Variants in NPIPA5 observed in about 807,000 individuals in gnomAD.
NPIPA5 encodes the protein nuclear pore complex-interacting protein family member A5.
Under a neutral mutation model 21.4 loss-of-function variants are expected in NPIPA5, and 6 were observed. The observed-to-expected ratio is 0.28, with a 90% CI of 0.15 to 0.55. The LOEUF is 0.55. Ranked by LOEUF, NPIPA5 falls within the 20% of genes least tolerant of loss-of-function variation. The pLI is 0.93. For missense variants in NPIPA5, 99 were observed against 318.2 expected (o/e 0.31, Z 5.24); for synonymous variants, 33 against 115.3 (o/e 0.29, Z 4.57).
At chr16:15,369,216 G>A (rs1337015358) in intron 4 of NPIPA5, among the ~76,000 whole-genome samples, 1 of 148,704 alleles carries the variant, frequency 6.7e-6, no homozygotes, top group Non-Finnish European at 1.5e-5. Flanking sequence ...AGCACTTTGG[G>A]AGGCTGAGGC....
upstream of NPIPA5, among the ~76,000 whole-genome samples, chr16:15,380,091 ATAATT>A (rs1318396136): frequency 2.6e-5 from 4 of 151,936 alleles, no homozygotes; most frequent in Non-Finnish European, 5.9e-5. Context: ...AACTTAATGA[ATAATT>A]TAATTATTAC....
intron 2 of NPIPA5, among the ~76,000 whole-genome samples, chr16:15,370,785 T>G (rs1341053475): frequency 6.8e-6 from 1 of 146,624 alleles, no homozygotes; most frequent in East Asian, 2.0e-4. Context: ...GTGCGGTAGC[T>G]CACGCCTGTA....
intron 1 of NPIPA5, among the ~76,000 whole-genome samples, chr16:15,375,666 T>C (rs1157695114): frequency 6.4e-5 from 9 of 141,340 alleles, no homozygotes; most frequent in Non-Finnish European, 1.4e-4. Context: ...CACTTGAACC[T>C]GGGAGGTAGA....
upstream of NPIPA5, among the ~76,000 whole-genome samples, chr16:15,380,420 T>G (rs566004604): frequency 7.2e-5 from 11 of 152,034 alleles, no homozygotes; most frequent in African/African-American, 2.7e-4. Context: ...CCTCCTGAAT[T>G]TCAGCAATTC....
upstream of NPIPA5, among the ~76,000 whole-genome samples, chr16:15,380,068 C>T (rs559621449): frequency 1.3e-5 from 2 of 150,954 alleles, no homozygotes; most frequent in East Asian, 3.9e-4. Context: ...TTTTAAAAGA[C>T]AAGATAATGT....
intron 2 of NPIPA5, among the ~76,000 whole-genome samples, chr16:15,370,424 A>T (rs1393250633): frequency 1.5e-5 from 2 of 134,342 alleles, no homozygotes; most frequent in African/African-American, 5.4e-5. Context: ...AGACTCTGTC[A>T]CACACACACA....
chr16:15,370,615 G>C (rs2050127756), intron 2 of NPIPA5, among the ~76,000 whole-genome samples: 1 of 143,508 alleles, frequency 7.0e-6, no homozygotes, highest in Non-Finnish European at 1.5e-5. Flanking sequence ...GCCAGGCATG[G>C]TGGTGCATGC....
In NPIPA5 at chr16:15,377,600, C is replaced by T. The variant is rs537789873; in HGVS notation, c.63+632G>A. On this transcript the variant is annotated intron_variant, in intron 1 of 7. Coordinates refer to ENST00000360151, the MANE Select transcript of NPIPA5 (RefSeq NM_001277325.2). Reference sequence around the variant, plus strand: ...TTAGGGCAGGGCGGAGGGAAGGGGACGGGGACCGGGGCCGGATCTGAGTTG... The same window carrying T: ...TTAGGGCAGGGCGGAGGGAAGGGGATGGGGACCGGGGCCGGATCTGAGTTG... Among the ~76,000 whole-genome samples, 426 of 121,214 alleles carry T rather than the reference C, an allele frequency of 3.5e-3. 1 individual carries two copies. Among genetic ancestry groups the T allele is most frequent in the African/African-American group, 0.011 (358 of 32,702 alleles). 79.5% of individuals were successfully genotyped at this position (121,214 alleles called of 152,430 possible).
intron 1 of NPIPA5, among the ~76,000 whole-genome samples, chr16:15,377,528 G>T (rs1218761364): frequency 7.0e-6 from 1 of 143,270 alleles, no homozygotes; most frequent in East Asian, 2.1e-4. Context: ...GCATGTCCTG[G>T]TCCTTTCAGG....
chr16:15,372,632 G>T (rs251630), intron 2 of NPIPA5, among the ~76,000 whole-genome samples: 18,608 of 144,880 alleles, frequency 0.13, 3,112 homozygotes, highest in East Asian at 0.47. Flanking sequence ...TTGAAAGGCA[G>T]TGCCAAATGA....
At chr16:15,377,624 TG>T (rs1340436123) in intron 1 of NPIPA5, among the ~76,000 whole-genome samples, 1 of 68,254 alleles carries the variant, frequency 1.5e-5, no homozygotes, top group Non-Finnish European at 2.8e-5. Flanking sequence ...GGATCTGAGT[TG>T]GGGAGGGGGA....
chr16:15,372,218 G>A (rs373649598), intron 2 of NPIPA5, among the ~76,000 whole-genome samples: 2 of 147,540 alleles, frequency 1.4e-5, no homozygotes, highest in African/African-American at 4.9e-5. Flanking sequence ...TCACGTGGTG[G>A]CTCACGCTTG....
chr16:15,363,883 A>G lies in NPIPA5; in HGVS notation c.829T>C (p.Ser277Pro). The G allele has an allele frequency of 1.9e-6, 3 of 1,603,818 alleles. No homozygotes were observed. Among genetic ancestry groups the G allele is most frequent in the Non-Finnish European group, 2.5e-6 (3 of 1,179,258 alleles). Reference protein sequence around the residue: ...SERLLYPLPPSADDNLKTPPE... With the variant: ...SERLLYPLPPPADDNLKTPPE... ...GGTGTCTTGAGATTATCATCCGCTGAGGGTGGAAGGGGATAGAGCAGACGC... is the reference window on the plus strand; with the variant it reads ...GGTGTCTTGAGATTATCATCCGCTGGGGGTGGAAGGGGATAGAGCAGACGC... Residue 277 changes from serine (S) to proline (P), a missense_variant, in exon 8 of 8, where the codon TCA becomes CCA. By Grantham distance (74) the Ser-to-Pro change is moderately conservative. This residue lies in a region of NPIPA5 where 75 missense variants were observed against 138.5 expected (regional missense o/e 0.54). Coordinates refer to ENST00000360151, the MANE Select transcript of NPIPA5 (RefSeq NM_001277325.2).
At chr16:15,378,777 A>G (rs2150889469), upstream of NPIPA5, among the ~76,000 whole-genome samples, 1 of 40,322 alleles carries the variant, frequency 2.5e-5, no homozygotes, top group South Asian at 7.5e-4. Flanking sequence ...CCTTATCTAT[A>G]TTATCTTACT....
At chr16:15,369,415 A>T (rs1369977179) in intron 4 of NPIPA5, among the ~76,000 whole-genome samples, 1 of 151,188 alleles carries the variant, frequency 6.6e-6, no homozygotes, top group Non-Finnish European at 1.5e-5. Context: ...CCATTGCACT[A>T]CGGCCTGGGC....
At chr16:15,374,136 G>A (rs1409739165) in intron 1 of NPIPA5, among the ~76,000 whole-genome samples, 39 of 147,968 alleles carry the variant, frequency 2.6e-4, no homozygotes, top group Non-Finnish European at 8.9e-5. Flanking sequence ...AAGCAAAGTT[G>A]TCTTGAGCCA....
chr16:15,375,734 T>C (rs1461862029), intron 1 of NPIPA5, among the ~76,000 whole-genome samples: 14 of 133,482 alleles, frequency 1.0e-4, no homozygotes, highest in Non-Finnish European at 1.9e-4. Flanking sequence ...AGAGCGAGAC[T>C]CTGTCTCAAA....
At chr16:15,369,050 G>A (rs1481140086) in intron 4 of NPIPA5, among the ~76,000 whole-genome samples, 2 of 147,640 alleles carry the variant, frequency 1.4e-5, no homozygotes, top group South Asian at 2.2e-4. Context: ...AGCTACTCGG[G>A]AAGCCGAGGC....
intron 4 of NPIPA5, among the ~76,000 whole-genome samples, chr16:15,368,307 G>A (rs1019278118): frequency 1.3e-5 from 2 of 151,360 alleles, no homozygotes; most frequent in African/African-American, 4.9e-5. Flanking sequence ...GAAATACCCT[G>A]GCCTTTGTAG....
Sources: allele counts gnomAD v4.1 joint callset (sites outside exome capture counted in the v4.1 genomes callset), GRCh38; gene constraint gnomAD v4.1.1; regional missense constraint gnomAD v4.1.1; transcripts MANE v1.5; gene names NCBI Gene and HGNC (gene_info 2026-07-23, HGNC 2026-07-21).